The following RGS17 variants were observed in gnomAD, a reference collection of about 807,000 sequenced individuals.
RGS17 encodes the protein regulator of G protein signaling 17, also known as regulator of G-protein signaling 17.
In RGS17, 12 loss-of-function variants were observed where a neutral mutation model predicts 25.5. The observed-to-expected ratio is 0.47, with a 90% confidence interval of 0.30 to 0.76. The LOEUF (loss-of-function observed/expected upper bound fraction) is 0.76, where lower values mean the gene tolerates loss of function less well. Ranked by LOEUF, RGS17 falls within the 30% of genes least tolerant of loss-of-function variation. RGS17 has a pLI of 0.07. For missense variants in RGS17, 196 were observed against 242.2 expected, an observed-to-expected ratio of 0.81 and a Z score of 1.27; for synonymous variants, 71 against 76.9, an observed-to-expected ratio of 0.92 and a Z score of 0.40.
intron 1 of RGS17, among the ~76,000 whole-genome samples, chr6:153,096,225 G>C (rs1777209389): frequency 6.6e-6 from 1 of 152,024 alleles, no homozygotes; most frequent in Non-Finnish European, 1.5e-5. Flanking sequence ...TCATCTGCAA[G>C]GGCATAATGT....
intron 1 of RGS17, among the ~76,000 whole-genome samples, chr6:153,074,592 GTTTC>G (rs922452234): frequency 6.6e-6 from 1 of 152,102 alleles, no homozygotes; most frequent in African/African-American, 2.4e-5. Flanking sequence ...ATTAAAAAAT[GTTTC>G]TTTAATTCCG....
Position 153,010,487 on chromosome 6 carries a change from G to A in RGS17, c.*1087C>T. 1 of 151,926 alleles carries A rather than the reference G, an allele frequency of 6.6e-6. No homozygotes were observed. The highest frequency in any genetic ancestry group is 2.4e-5 in the African/African-American group (1 of 41,400). The allele number at this position is 151,926 out of a possible 1,614,324, so 9.4% of individuals were successfully genotyped here. ...GAAAACAGTTAAGGTCTGAAGTAGAGGATTATTTTCTTCATAACCCTTATA... is the reference window on the plus strand; with the variant it reads ...GAAAACAGTTAAGGTCTGAAGTAGAAGATTATTTTCTTCATAACCCTTATA... On this transcript the variant is annotated 3_prime_UTR_variant, in exon 5 of 5. Coordinates refer to ENST00000206262, the MANE Select transcript of RGS17 (RefSeq NM_012419.5).
chr6:153,049,400 CAG>C (rs1776431637), intron 1 of RGS17, among the ~76,000 whole-genome samples: 1 of 152,028 alleles, frequency 6.6e-6, no homozygotes, highest in Non-Finnish European at 1.5e-5. Context: ...GACCTGAATA[CAG>C]AGTTGGGTTA....
chr6:153,021,702 A>G (rs1757269102), intron 4 of RGS17, among the ~76,000 whole-genome samples: 1 of 152,192 alleles, frequency 6.6e-6, no homozygotes, highest in African/African-American at 2.4e-5. Context: ...AACAAGTTGA[A>G]TTTCACCTCT....
chr6:153,071,958 A>AATAAT (rs1776810712), intron 1 of RGS17, among the ~76,000 whole-genome samples: 1 of 152,126 alleles, frequency 6.6e-6, no homozygotes, highest in East Asian at 1.9e-4. Context: ...GTGAGTATTA[A>AATAAT]ATAATAAGAT....
chr6:153,105,077 C>G (rs1777359784), intron 1 of RGS17, among the ~76,000 whole-genome samples: 1 of 152,120 alleles, frequency 6.6e-6, no homozygotes, highest in Non-Finnish European at 1.5e-5. Flanking sequence ...GGTGGACAGA[C>G]AGATCACACT....
chr6:153,118,172 T>G (rs1398395132), intron 1 of RGS17, among the ~76,000 whole-genome samples: 1 of 152,214 alleles, frequency 6.6e-6, no homozygotes, highest in Non-Finnish European at 1.5e-5. Flanking sequence ...CTCTCTTGGA[T>G]GTCCTCTTCC....
chr6:153,098,126 G>A (rs1384692365), intron 1 of RGS17, among the ~76,000 whole-genome samples: 2 of 152,104 alleles, frequency 1.3e-5, no homozygotes, highest in African/African-American at 4.8e-5. Context: ...AAAGAGGGTG[G>A]ATGTACAGTG....
chr6:153,071,200 TAC>T (rs930748988), intron 1 of RGS17, among the ~76,000 whole-genome samples: 34 of 150,626 alleles, frequency 2.3e-4, no homozygotes, highest in African/African-American at 7.5e-4. Flanking sequence ...TCAATATATA[TAC>T]ACACAGTCTA....
chr6:153,095,952 G>A (rs1777201746), intron 1 of RGS17, among the ~76,000 whole-genome samples: 1 of 152,182 alleles, frequency 6.6e-6, no homozygotes, highest in South Asian at 2.1e-4. Flanking sequence ...CTAGATATGT[G>A]TTAGGTCTAA....
At chr6:153,094,978 GATAA>G (rs568047162) in intron 1 of RGS17, among the ~76,000 whole-genome samples, 22 of 152,126 alleles carry the variant, frequency 1.4e-4, no homozygotes, top group Admixed American at 1.3e-3. Flanking sequence ...CATAAAAGAA[GATAA>G]ATACTTGTCT....
chr6:153,076,980 G>T (rs1776889515), intron 1 of RGS17, among the ~76,000 whole-genome samples: 1 of 151,818 alleles, frequency 6.6e-6, no homozygotes, highest in South Asian at 2.1e-4. Flanking sequence ...AGTTATAAGG[G>T]AAAAAAATGT....
At chr6:153,099,611 G>C (rs1241448331) in intron 1 of RGS17, among the ~76,000 whole-genome samples, 1 of 152,088 alleles carries the variant, frequency 6.6e-6, no homozygotes. Flanking sequence ...TTCACAAGTG[G>C]CTTTGTGAAG....
intron 1 of RGS17, among the ~76,000 whole-genome samples, chr6:153,084,697 A>G (rs1193605062): frequency 6.6e-6 from 1 of 152,198 alleles, no homozygotes. Flanking sequence ...AGCTAGGAGG[A>G]GCTGTGCCTC....
At chr6:153,099,305 ATTGAT>A (rs1401378214) in intron 1 of RGS17, among the ~76,000 whole-genome samples, 1 of 152,140 alleles carries the variant, frequency 6.6e-6, no homozygotes, top group Non-Finnish European at 1.5e-5. Context: ...TTTACTACTT[ATTGAT>A]TTATGTTTAG....
intron 1 of RGS17, among the ~76,000 whole-genome samples, chr6:153,082,989 G>A (rs1357143240): frequency 6.6e-6 from 1 of 152,148 alleles, no homozygotes. Flanking sequence ...TCTGGCTGGA[G>A]TCTGAATGGC....
At chr6:153,096,651 A>AT (rs1201410403) in intron 1 of RGS17, among the ~76,000 whole-genome samples, 2 of 152,210 alleles carry the variant, frequency 1.3e-5, no homozygotes, top group African/African-American at 4.8e-5. Flanking sequence ...AAAAATTCAC[A>AT]TTAAAATGTA....
At chr6:153,077,316 T>C (rs1284514202) in intron 1 of RGS17, among the ~76,000 whole-genome samples, 4 of 151,068 alleles carry the variant, frequency 2.6e-5, no homozygotes, top group South Asian at 4.2e-4. Flanking sequence ...GAGATTGTTC[T>C]AGGTGAGTTT....
intron 1 of RGS17, among the ~76,000 whole-genome samples, chr6:153,097,918 G>T (rs1481293779): frequency 6.6e-6 from 1 of 152,106 alleles, no homozygotes; most frequent in Non-Finnish European, 1.5e-5. Context: ...TCTTGCAAAT[G>T]ACAGTTTTTC....
Sources: allele counts gnomAD v4.1 joint callset (sites outside exome capture counted in the v4.1 genomes callset), GRCh38; gene constraint gnomAD v4.1.1; transcripts MANE v1.5; gene names NCBI Gene and HGNC (gene_info 2026-07-23, HGNC 2026-07-21).